The following SDAD1 variants were observed in gnomAD, a reference collection of about 807,000 sequenced individuals.
The protein encoded by SDAD1 is protein SDA1 homolog.
SDAD1 carries 79 observed loss-of-function variants against 100.3 expected under a neutral mutation model. The ratio of observed to expected loss-of-function variants is 0.79; its 90% confidence interval spans 0.66 to 0.95. SDAD1 has a LOEUF of 0.95. Ranked by LOEUF, SDAD1 falls within the 40% of genes least tolerant of loss-of-function variation. The probability of loss-of-function intolerance (pLI) is 0.00; values close to 1 mark genes in which losing one functional copy is unlikely to be tolerated. For synonymous variants in SDAD1, 267 were observed against 271.4 expected, an observed-to-expected ratio of 0.98 and a Z score of 0.16; for missense variants, 790 against 810.9, an observed-to-expected ratio of 0.97 and a Z score of 0.31.
At chr4:75,955,660 T>C (rs888386334) in intron 21 of SDAD1, among the ~76,000 whole-genome samples, 8 of 152,258 alleles carry the variant, frequency 5.3e-5, no homozygotes, top group African/African-American at 1.4e-4. Context: ...AATTTTAGCA[T>C]GGGAAGGAAC....
At chr4:75,952,109 G>T (rs1170232725) in intron 21 of SDAD1, among the ~76,000 whole-genome samples, 1 of 152,162 alleles carries the variant, frequency 6.6e-6, no homozygotes, top group Non-Finnish European at 1.5e-5. Context: ...ACAAAAATCT[G>T]TAAGTTCATT....
Position 75,975,941 on chromosome 4 carries a change from TC to T in SDAD1, c.459del (p.Asn154ThrfsTer4). 6.2e-7 allele frequency: 1 copy of T among 1,606,364 alleles called. No homozygotes were observed. The highest frequency in any genetic ancestry group is 8.5e-7 in the Non-Finnish European group (1 of 1,173,040). ...TDIKNINAKH[K>X]NNKVNVVLQN... ...GTACTTACTACATTCACTTTATTGT[TC>T]TTGTGTTTTGCATTTATATTCTTGA... On this transcript the variant is annotated frameshift_variant, in exon 5 of 22. Coordinates refer to ENST00000356260, the MANE Select transcript of SDAD1 (RefSeq NM_018115.4). LOFTEE classifies it high-confidence loss of function.
Position 75,981,462 on chromosome 4 carries a change from G to C in SDAD1, c.204C>G (p.His68Gln), listed in dbSNP as rs373705430. 2.4e-5 allele frequency: 38 copies of C among 1,613,770 alleles called. No individual in the cohort carries two copies. The Middle Eastern group carries it at 2.3e-3, about 98-fold the overall frequency. Residue 68 changes from histidine to glutamine, a missense_variant, in exon 3 of 22, where the codon CAC becomes CAG. Physicochemically the swap from His to Gln is conservative, Grantham distance 24. Coordinates refer to ENST00000356260, the MANE Select transcript of SDAD1 (RefSeq NM_018115.4). ...AATTACTTAGGTACTCTGGGTAGCA[G>C]TGACTAATCTGTAACAAAGCAAAGG... ...ELVMFMAQIS[H>Q]CYPEYLSNFP...
intron 14 of SDAD1, among the ~76,000 whole-genome samples, chr4:75,963,676 T>A (rs1216035797): frequency 6.6e-6 from 1 of 152,118 alleles, no homozygotes; most frequent in Non-Finnish European, 1.5e-5. Context: ...AAAAGTGAGT[T>A]TGGCCCTCTG....
intron 17 of SDAD1, among the ~76,000 whole-genome samples, chr4:75,959,182 C>T (rs1350517350): frequency 6.6e-6 from 1 of 151,334 alleles, no homozygotes; most frequent in African/African-American, 2.4e-5. Context: ...CTTATGCCCC[C>T]ACCCACTCCA....
chr4:75,989,686 GAATGGCTATACA>G (rs1008204196), intron 1 of SDAD1, among the ~76,000 whole-genome samples: 1 of 152,152 alleles, frequency 6.6e-6, no homozygotes, highest in Non-Finnish European at 1.5e-5. Flanking sequence ...CTTTCTTTGC[GAATGGCTATACA>G]ATGCTTTAAG....
rs937791133 is a variant in SDAD1 at position 75,977,766 on chromosome 4, G to GA, written c.295-11dup. The GA allele has an allele frequency of 4.6e-6, 7 of 1,513,322 alleles. No individual in the cohort carries two copies. The highest frequency in any genetic ancestry group is 1.2e-5 in the South Asian group (1 of 86,870). 93.7% of individuals were successfully genotyped at this position (1,513,322 alleles called of 1,614,324 possible). ...AAGCTTTGCAAAATGTCTCGGGAAG[G>GA]AAAAAAACATACCATAAGACAATGG... On this transcript the variant is annotated splice_polypyrimidine_tract_variant and intron_variant, in intron 3 of 21. Coordinates refer to ENST00000356260, the MANE Select transcript of SDAD1 (RefSeq NM_018115.4).
rs188958810 is a variant in SDAD1, at chr4:75,986,804, A to T, written c.90+3948T>A. ...CACTTTGGGAGGCTGAGGCAGAAAGATTGCATGGTTTCAGCTTGGAGACCA... is the reference window on the plus strand; with the variant it reads ...CACTTTGGGAGGCTGAGGCAGAAAGTTTGCATGGTTTCAGCTTGGAGACCA... On this transcript the variant is annotated intron_variant, in intron 1 of 21. Transcript: ENST00000356260. Among the ~76,000 whole-genome samples, 28 of 152,308 alleles carry T rather than the reference A, an allele frequency of 1.8e-4. No homozygotes were observed. The East Asian group carries it at 5.0e-3, about 27-fold the overall frequency.
chr4:75,990,553 G>T, intron 1 of SDAD1, 199 bp downstream of exon 1: 2 of 1,092,380 alleles, frequency 1.8e-6, no homozygotes, highest in Non-Finnish European at 2.7e-6. Flanking sequence ...ATCCAAAGGG[G>T]CAACAGATTT....
intron 3 of SDAD1, among the ~76,000 whole-genome samples, chr4:75,980,461 A>C (rs1730436522): frequency 6.6e-6 from 1 of 152,258 alleles, no homozygotes; most frequent in Admixed American, 6.5e-5. Flanking sequence ...TTGCGTACTT[A>C]TCTGCTGTAA....
At chr4:75,958,385 T>C (rs1729026678) in intron 17 of SDAD1, among the ~76,000 whole-genome samples, 1 of 152,212 alleles carries the variant, frequency 6.6e-6, no homozygotes, top group African/African-American at 2.4e-5. Flanking sequence ...GTCCTATGCG[T>C]GTTACCCACG....
chr4:75,955,897 C>T (rs1007284516), intron 21 of SDAD1, 78 bp downstream of exon 21: 40 of 1,478,330 alleles, frequency 2.7e-5, no homozygotes, highest in Non-Finnish European at 3.2e-5. Context: ...CTTCAGAAGG[C>T]GCAAGTCCGT....
Position 75,950,030 on chromosome 4 carries a change from A to G in SDAD1, c.*720T>C, listed in dbSNP as rs7154. ...AGGCAGCTCAAATGATGAACTAAATATATTCCAAAGGTACTATTTATACTT... is the reference window on the plus strand; with the variant it reads ...AGGCAGCTCAAATGATGAACTAAATGTATTCCAAAGGTACTATTTATACTT... On this transcript the variant is annotated 3_prime_UTR_variant, in exon 22 of 22. Transcript: ENST00000356260. The G allele has an allele frequency of 0.23, 35,077 of 151,494 alleles. 4,762 individuals are homozygous for G. Among genetic ancestry groups the G allele is most frequent in the East Asian group, 0.52 (2,675 of 5,116 alleles). The allele number at this position is 151,494 out of a possible 1,614,324, so 9.4% of individuals were successfully genotyped here. A position where few individuals can be genotyped will look rare whatever the true frequency, so the allele number is the denominator to read the frequency against.
intron 21 of SDAD1, among the ~76,000 whole-genome samples, chr4:75,954,454 C>A (rs1728778727): frequency 6.6e-6 from 1 of 151,790 alleles, no homozygotes; most frequent in Admixed American, 6.6e-5. Context: ...GGACAGACTG[C>A]TTGAGTCCAG....
Position 75,971,488 on chromosome 4 carries a change from A to G in SDAD1, c.712-30T>C, listed in dbSNP as rs60819250. On this transcript the variant is annotated intron_variant, in intron 8 of 21. Coordinates refer to ENST00000356260, the MANE Select transcript of SDAD1 (RefSeq NM_018115.4). ...AGAAGAAATTACTTTGTAAAATTGT[A>G]AACAAGGAAAATCTGCATAGAATGA... The G allele has an allele frequency of 1.0e-3, 1,557 of 1,500,194 alleles. 10 individuals carry two copies. The African/African-American group carries it at 0.019, about 18-fold the overall frequency. The allele number at this position is 1,500,194 out of a possible 1,614,324, so 92.9% of individuals were successfully genotyped here.
chr4:75,981,643 G>T, intron 2 of SDAD1, 173 bp from the exon 3 acceptor site: 1 of 1,113,250 alleles, frequency 9.0e-7, no homozygotes. Flanking sequence ...CATTTATCAT[G>T]GTTTCTCTAG....
At chr4:75,983,097 T>C (rs995066619) in intron 1 of SDAD1, among the ~76,000 whole-genome samples, 2 of 86,124 alleles carry the variant, frequency 2.3e-5, no homozygotes, top group African/African-American at 5.3e-5. Context: ...TCCAGCTTCA[T>C]CCATGTCCCT....
At chr4:75,966,611 T>C (rs1448775683) in intron 12 of SDAD1, among the ~76,000 whole-genome samples, 3 of 152,308 alleles carry the variant, frequency 2.0e-5, no homozygotes, top group South Asian at 2.1e-4. Context: ...TTGTTTTTCA[T>C]TGAGAATGCA....
intron 11 of SDAD1, among the ~76,000 whole-genome samples, chr4:75,968,457 C>A (rs1182932689): frequency 1.3e-5 from 2 of 151,760 alleles, no homozygotes; most frequent in South Asian, 2.1e-4. Flanking sequence ...TAAGGAAAAA[C>A]CTTAATGGTC....
Sources: allele counts gnomAD v4.1 joint callset (sites outside exome capture counted in the v4.1 genomes callset), GRCh38; gene constraint gnomAD v4.1.1; transcripts MANE v1.5; gene names NCBI Gene and HGNC (gene_info 2026-07-23, HGNC 2026-07-21).